Variants in TTC4 observed in about 807,000 individuals in gnomAD.
TTC4 encodes tetratricopeptide repeat domain 4, also known as hsp70/Hsp90 co-chaperone CNS1 homolog.
In TTC4, 36 loss-of-function variants were observed where a neutral mutation model predicts 51.9. The ratio of observed to expected loss-of-function variants is 0.69; its 90% CI spans 0.53 to 0.92. The LOEUF (loss-of-function observed/expected upper bound fraction) is 0.92, where lower values mean the gene tolerates loss of function less well. Ranked by LOEUF, TTC4 falls within the 40% of genes least tolerant of loss-of-function variation. TTC4 has a pLI of 0.00. For synonymous variants in TTC4, 144 were observed against 164.2 expected, an observed-to-expected ratio of 0.88 and a Z score of 0.94; for missense variants, 399 against 454.6, an observed-to-expected ratio of 0.88 and a Z score of 1.11.
At position 54,742,546 on chromosome 1, in the gene TTC4, A is replaced by C. The variant is rs1015314515; in HGVS notation, c.*1033A>C. On this transcript the variant is annotated 3_prime_UTR_variant, in exon 10 of 10. Coordinates refer to ENST00000371281, the MANE Select transcript of TTC4 (RefSeq NM_004623.5). Reference sequence around the variant, plus strand: ...AGCTGGCCTGCAGCCACTGAGTGTCACAGCAATGAGAGAGCAATGTTTGCT... The same window carrying C: ...AGCTGGCCTGCAGCCACTGAGTGTCCCAGCAATGAGAGAGCAATGTTTGCT... 9.8e-5 allele frequency: 15 copies of C among 152,420 alleles called. No homozygotes were observed. Among genetic ancestry groups the C allele is most frequent in the Admixed American group, 8.5e-4 (13 of 15,302 alleles). The allele number at this position is 152,420 out of a possible 1,614,324, so 9.4% of individuals were successfully genotyped here.
At chr1:54,736,037 G>A (rs1050568071) in intron 8 of TTC4, among the ~76,000 whole-genome samples, 1 of 152,074 alleles carries the variant, frequency 6.6e-6, no homozygotes, top group Non-Finnish European at 1.5e-5. Context: ...GTGAAGAATG[G>A]TATTTAGAAG....
intron 3 of TTC4, among the ~76,000 whole-genome samples, chr1:54,720,507 TTA>T (rs1491025562): frequency 0.026 from 3,505 of 132,276 alleles, 150 homozygotes; most frequent in African/African-American, 0.096. Context: ...TTTTTTTTTT[TTA>T]AATAGGCTTC....
At position 54,728,344 on chromosome 1, in the gene TTC4, A is replaced by G; in HGVS notation, c.595-2A>G. ...GCTGATGCATCTAAATTTCATTTTT[A>G]GCGAATTGAACAGAGGGATGTGAGG... On this transcript the variant is annotated splice_acceptor_variant, in intron 5 of 9. Transcript: ENST00000371281. LOFTEE classifies it high-confidence loss of function. The G allele has an allele frequency of 1.9e-6, 3 of 1,611,568 alleles. No individual in the cohort carries two copies. Among genetic ancestry groups the G allele is most frequent in the Non-Finnish European group, 2.5e-6 (3 of 1,178,436 alleles).
At chr1:54,724,201 T>C (rs1645775037) in intron 5 of TTC4, among the ~76,000 whole-genome samples, 1 of 152,206 alleles carries the variant, frequency 6.6e-6, no homozygotes, top group Non-Finnish European at 1.5e-5. Context: ...CTTGTGGCTA[T>C]GTTAATATCA....
rs552100792 is a variant in TTC4, at chr1:54,733,761, T to A, written c.978+51T>A. 7,121 of 1,250,746 alleles carry A rather than the reference T, an allele frequency of 5.7e-3. 154 individuals are homozygous for A. In the African/African-American group the frequency reaches 0.059, roughly 10 times the overall value. The allele number at this position is 1,250,746 out of a possible 1,614,324, so 77.5% of individuals were successfully genotyped here. ...CTATGGAATTAATTTTTTTTTTTTT[T>A]TTTTTTTTTTTTGCGGCGGGGGAAG... On this transcript the variant is annotated intron_variant, in intron 8 of 9. Transcript: ENST00000371281.
At chr1:54,736,049 C>T (rs1001941720) in intron 8 of TTC4, among the ~76,000 whole-genome samples, 4 of 151,838 alleles carry the variant, frequency 2.6e-5, no homozygotes, top group Admixed American at 6.6e-5. Flanking sequence ...ATTTAGAAGC[C>T]GAGATCTCTG....
intron 6 of TTC4, 55 bp from the exon 7 acceptor site, chr1:54,731,431 T>C: frequency 6.5e-7 from 1 of 1,535,616 alleles, no homozygotes; most frequent in Admixed American, 1.9e-5. Flanking sequence ...TGGGTTTGCA[T>C]CCTCCCACAC....
chr1:54,721,541 T>TGA (rs1482387490), intron 4 of TTC4, among the ~76,000 whole-genome samples: 3 of 152,234 alleles, frequency 2.0e-5, no homozygotes, highest in Non-Finnish European at 4.4e-5. Flanking sequence ...GGCAAGGTCT[T>TGA]CAAATGCCAT....
chr1:54,725,862 G>T (rs181047263), intron 5 of TTC4, among the ~76,000 whole-genome samples: 1 of 152,294 alleles, frequency 6.6e-6, no homozygotes, highest in East Asian at 1.9e-4. Flanking sequence ...GCTCAACAGC[G>T]CATTTGAGCA....
intron 2 of TTC4, 129 bp downstream of exon 2, chr1:54,716,846 ACTT>A: frequency 1.4e-6 from 1 of 730,588 alleles, no homozygotes; most frequent in South Asian, 1.9e-5. Context: ...ATTCCAATAT[ACTT>A]CTTTTTGTAC....
chr1:54,738,863 A>G (rs1224330300), intron 9 of TTC4, among the ~76,000 whole-genome samples: 1 of 151,728 alleles, frequency 6.6e-6, no homozygotes, highest in Non-Finnish European at 1.5e-5. Flanking sequence ...GGGTTTCACC[A>G]TGTTGTCCAG....
Position 54,716,038 on chromosome 1 carries a change from TCC to T in TTC4, c.111+22_111+23del. 6.4e-7 allele frequency: 1 copy of T among 1,557,752 alleles called. No individual in the cohort carries two copies. Among genetic ancestry groups the T allele is most frequent in the Non-Finnish European group, 8.7e-7 (1 of 1,149,708 alleles). Reference sequence around the variant, plus strand: ...GGAGAAGGTGGGCGGTCCTGGGGTCTCCCCACGTGTGTAGGGGCGTCGTCCGG... The same window carrying T: ...GGAGAAGGTGGGCGGTCCTGGGGTCTCCACGTGTGTAGGGGCGTCGTCCGG... On this transcript the variant is annotated intron_variant, in intron 1 of 9. Coordinates refer to ENST00000371281, the MANE Select transcript of TTC4 (RefSeq NM_004623.5).
intron 7 of TTC4, among the ~76,000 whole-genome samples, chr1:54,733,100 AAAAAG>A (rs1397615247): frequency 6.6e-5 from 10 of 151,718 alleles, no homozygotes; most frequent in Middle Eastern, 3.4e-3. Flanking sequence ...TCTCAAAAAA[AAAAAG>A]AAAAGAAAAG....
chr1:54,716,521 A>C, intron 1 of TTC4, 79 bp from the exon 2 acceptor site: 3 of 1,124,594 alleles, frequency 2.7e-6, no homozygotes, highest in Non-Finnish European at 3.8e-6. Flanking sequence ...TGAGTAAAAA[A>C]ACTTTGGTAA....
chr1:54,728,806 C>G (rs1204060097), intron 6 of TTC4, among the ~76,000 whole-genome samples: 3 of 152,226 alleles, frequency 2.0e-5, no homozygotes, highest in Non-Finnish European at 4.4e-5. Flanking sequence ...TTAGCTAAAG[C>G]ACTTATCACA....
chr1:54,718,654 C>T (rs1010076113), intron 3 of TTC4, among the ~76,000 whole-genome samples: 2 of 152,150 alleles, frequency 1.3e-5, no homozygotes, highest in African/African-American at 4.8e-5. Flanking sequence ...CTGGGTTTCT[C>T]AAATTTTGTA....
At chr1:54,726,226 CTCTT>C (rs886814022) in intron 5 of TTC4, among the ~76,000 whole-genome samples, 3 of 152,116 alleles carry the variant, frequency 2.0e-5, no homozygotes, top group African/African-American at 4.8e-5. Context: ...AGAAAAATGA[CTCTT>C]TATGTACAAA....
At chr1:54,740,394 G>A (rs934599497) in intron 9 of TTC4, among the ~76,000 whole-genome samples, 4 of 152,066 alleles carry the variant, frequency 2.6e-5, no homozygotes, top group African/African-American at 9.7e-5. Flanking sequence ...TACCTTTGGT[G>A]GTGTTTTGCT....
chr1:54,740,193 C>G (rs1327962433), intron 9 of TTC4, among the ~76,000 whole-genome samples: 2 of 152,110 alleles, frequency 1.3e-5, no homozygotes, highest in East Asian at 1.9e-4. Flanking sequence ...AAAAAAATTA[C>G]AGAGTAATGT....
Sources: allele counts gnomAD v4.1 joint callset (sites outside exome capture counted in the v4.1 genomes callset), GRCh38; gene constraint gnomAD v4.1.1; transcripts MANE v1.5; gene names NCBI Gene and HGNC (gene_info 2026-07-23, HGNC 2026-07-21).